GRHL3: variants seen among roughly 807,000 people sequenced by gnomAD.
The protein encoded by GRHL3 is grainyhead like transcription factor 3.
Under a neutral mutation model 70.3 loss-of-function variants are expected in GRHL3, and 20 were observed. The ratio of observed to expected loss-of-function variants is 0.28; its 90% confidence interval spans 0.20 to 0.41. GRHL3 has a LOEUF of 0.41. Among genes scored for constraint, GRHL3 ranks in the 10% least tolerant of loss-of-function variants. The pLI is 1.00. For synonymous variants in GRHL3, 299 were observed against 299.9 expected (o/e 1.00, Z 0.03); for missense variants, 637 against 762.3 (o/e 0.84, Z 1.94).
At chr1:24,357,511 G>A (rs149965849), downstream of GRHL3, 1,037 of 153,104 alleles carry the variant, frequency 6.8e-3, 7 homozygotes, top group Non-Finnish European at 0.011. Flanking sequence ...CCAGGCCTCA[G>A]TACTTTTTAA....
At position 24,335,014 on chromosome 1, in the gene GRHL3, AACACACACACAC is replaced by A. The variant is rs35646472; in HGVS notation, c.266+346_266+357del. On this transcript the variant is annotated intron_variant, in intron 3 of 15. Coordinates refer to ENST00000361548, the MANE Select transcript of GRHL3 (RefSeq NM_198173.3). ...AAGTCCTAATGAAACTCAGCTTGAA[AACACACACACAC>A]ACACACACACACACACACACACACA... 3.0e-3 allele frequency among the ~76,000 whole-genome samples: 411 copies of A among 137,034 alleles called. 3 individuals carry two copies. The highest frequency in any genetic ancestry group is 0.014 in the South Asian group (56 of 3,950). 89.9% of individuals were successfully genotyped at this position (137,034 alleles called of 152,430 possible). A position where few individuals can be genotyped will look rare whatever the true frequency, so the allele number is the denominator to read the frequency against.
chr1:24,337,457 C>G, intron 5 of GRHL3, 179 bp from the exon 6 acceptor site: 1 of 650,610 alleles, frequency 1.5e-6, no homozygotes, highest in Non-Finnish European at 2.6e-6. Context: ...GACTGTGGCT[C>G]AACAAAGCCA....
In GRHL3 at chr1:24,350,142, T is replaced by A; in HGVS notation, c.1694+20T>A. On this transcript the variant is annotated intron_variant, in intron 15 of 15. Transcript: ENST00000361548. The stretch of plus-strand genomic sequence containing the variant: ...GCGAGGGTGAGTGCCTAGTTCACCC[T>A]CCCCCAGCTGGTTGCTCAGTGCTGA... The A allele has an allele frequency of 1.2e-6, 2 of 1,605,498 alleles. No homozygotes were observed. The highest frequency in any genetic ancestry group is 1.1e-5 in the South Asian group (1 of 90,356).
chr1:24,358,375 CA>C, downstream of GRHL3: 1 of 718,926 alleles, frequency 1.4e-6, no homozygotes, highest in Non-Finnish European at 2.6e-6. Flanking sequence ...CAGCTCAAGA[CA>C]AAGGCAATGG....
At chr1:24,323,261 T>G in intron 1 of GRHL3, 1 of 647,694 alleles carries the variant, frequency 1.5e-6, no homozygotes, top group East Asian at 2.7e-5. Context: ...ACCATCATCA[T>G]CATCATCATC....
rs964729493 is a variant in GRHL3, at chr1:24,342,892, G to C, written c.1286G>C (p.Gly429Ala). Reference protein sequence around the residue: ...KVKCPDSSNSGVKGCLLSGFR... With the variant: ...KVKCPDSSNSAVKGCLLSGFR... ...CACATTGGCTTCCTTCTCCCATCAG[G>C]CGTCAAGGGCTGCCTGCTGTCGGGC... Residue 429 changes from glycine to alanine, a missense_variant and splice_region_variant, in exon 11 of 16, where the codon GGC (glycine) becomes GCC (alanine). Transcript: ENST00000361548. The surrounding 1 kb of genome is among the most constrained non-coding windows in gnomAD (Gnocchi z 4.8). The C allele has an allele frequency of 1.9e-6, 3 of 1,614,098 alleles. No homozygotes were observed. Among genetic ancestry groups the C allele is most frequent in the Non-Finnish European group, 2.5e-6 (3 of 1,180,054 alleles).
Position 24,322,961 on chromosome 1 carries a change from T to C in GRHL3, c.17+3393T>C. 1.2e-5 allele frequency: 10 copies of C among 826,480 alleles called. No homozygotes were observed. The South Asian group carries it at 1.6e-4, about 13-fold the overall frequency. The allele number at this position is 826,480 out of a possible 1,614,324, so 51.2% of individuals were successfully genotyped here. A position where few individuals can be genotyped will look rare whatever the true frequency, so the allele number is the denominator to read the frequency against. ...CTTGCCCAAGGTCTCACGGAAGCACTGGGATCTTAACCGGGTCTTAGCCGA... is the reference window on the plus strand; with the variant it reads ...CTTGCCCAAGGTCTCACGGAAGCACCGGGATCTTAACCGGGTCTTAGCCGA... On this transcript the variant is annotated intron_variant, in intron 1 of 15. Coordinates refer to ENST00000361548, the MANE Select transcript of GRHL3 (RefSeq NM_198173.3). This position sits in a 1 kb window ranked among gnomAD's most constrained non-coding sequence, Gnocchi z 4.4.
At chr1:24,332,173 G>C (rs1639638760) in intron 2 of GRHL3, among the ~76,000 whole-genome samples, 1 of 152,114 alleles carries the variant, frequency 6.6e-6, no homozygotes, top group South Asian at 2.1e-4. Context: ...CCACCACCTG[G>C]AGTATACCTC....
chr1:24,363,583 A>G (rs755219144), intron 15 of GRHL3, among the ~76,000 whole-genome samples: 1 of 152,244 alleles, frequency 6.6e-6, no homozygotes, highest in Non-Finnish European at 1.5e-5. Flanking sequence ...TCTGTAAAAC[A>G]GTGGAAATAA....
chr1:24,348,743 ATCT>A (rs1322228314), intron 14 of GRHL3, among the ~76,000 whole-genome samples: 11 of 152,170 alleles, frequency 7.2e-5, no homozygotes, highest in Admixed American at 5.9e-4. Context: ...TTGACTTGAG[ATCT>A]TCTTCCTGGT....
At chr1:24,345,963 C>T (rs551293350) in intron 12 of GRHL3, among the ~76,000 whole-genome samples, 77 of 152,278 alleles carry the variant, frequency 5.1e-4, no homozygotes, top group Non-Finnish European at 1.1e-3. Flanking sequence ...CACTTGTCAC[C>T]TCACAACAGC....
Position 24,336,649 on chromosome 1 carries a change from C to G in GRHL3, c.434C>G (p.Ala145Gly). 1 of 1,614,150 alleles carries G rather than the reference C, an allele frequency of 6.2e-7. No individual in the cohort carries two copies. Among genetic ancestry groups the G allele is most frequent in the Non-Finnish European group, 8.5e-7 (1 of 1,180,010 alleles). The change falls in exon 4 of 16, where the codon GCA becomes GGA. Residue 145 changes from alanine (A) to glycine (G), a missense_variant. Physicochemically the swap from Ala to Gly is moderately conservative, Grantham distance 60. Around this residue, in one of 2 missense-constraint regions of GRHL3, gnomAD observed 250 missense variants for 248.6 expected, o/e 1.01. Transcript: ENST00000361548. Reference protein sequence around the residue: ...LEGALPTPGKAAPLPAGPSKL... With the variant: ...LEGALPTPGKGAPLPAGPSKL... ...GGGGCCTTGCCCACCCCTGGCAAGG[C>G]AGCTCCCCTCCCTGCAGGCCCCAGC... is the stretch of plus-strand genomic sequence containing the variant.
At chr1:24,325,657 G>A (rs1286761976) in intron 1 of GRHL3, among the ~76,000 whole-genome samples, 5 of 152,226 alleles carry the variant, frequency 3.3e-5, no homozygotes. Context: ...CATGAAGGCT[G>A]AGGCTGACTG....
chr1:24,343,907 G>C (rs1640144740), intron 11 of GRHL3, among the ~76,000 whole-genome samples: 1 of 152,242 alleles, frequency 6.6e-6, no homozygotes, highest in Non-Finnish European at 1.5e-5. Context: ...AGTGCTGACA[G>C]AGCTTGGCAC....
rs1376538501 is a variant in GRHL3, at chr1:24,352,204, C to T, written c.1694+2082C>T. 3.3e-5 allele frequency among the ~76,000 whole-genome samples: 5 copies of T among 152,192 alleles called. No individual in the cohort carries two copies. In the East Asian group the frequency reaches 7.7e-4, roughly 23 times the overall value. On this transcript the variant is annotated intron_variant, in intron 15 of 15. Coordinates refer to ENST00000361548, the MANE Select transcript of GRHL3 (RefSeq NM_198173.3). ...AAAATAGATCTTAGGAGAGGAGAGGCCAGGCTCATCTTCTGCCTCCCTCTG... is the reference window on the plus strand; with the variant it reads ...AAAATAGATCTTAGGAGAGGAGAGGTCAGGCTCATCTTCTGCCTCCCTCTG...
chr1:24,354,504 C>T lies in GRHL3; in HGVS notation c.*16C>T, dbSNP rs1640640314. 2.0e-6 allele frequency: 3 copies of T among 1,526,260 alleles called. No homozygotes were observed. In the South Asian group the frequency reaches 3.4e-5, roughly 17 times the overall value. 94.5% of individuals were successfully genotyped at this position (1,526,260 alleles called of 1,614,324 possible). On this transcript the variant is annotated 3_prime_UTR_variant, in exon 16 of 16. Coordinates refer to ENST00000361548, the MANE Select transcript of GRHL3 (RefSeq NM_198173.3). ...GGAGCTGTAAGGCCTCTCGAGCATCCAAACCCTCACGACCTGCAAGGGGCC... is the reference window on the plus strand; with the variant it reads ...GGAGCTGTAAGGCCTCTCGAGCATCTAAACCCTCACGACCTGCAAGGGGCC...
In GRHL3 at chr1:24,319,701, C is replaced by G. The variant is rs183543687; in HGVS notation, c.17+133C>G. On this transcript the variant is annotated intron_variant, in intron 1 of 15. Transcript: ENST00000361548. The stretch of plus-strand genomic sequence containing the variant: ...TTGTAAGGGTAAATGAATGGGCTGA[C>G]GATCTTACTTTGGCGTGTCAAGGCA... 17 of 1,592,206 alleles carry G rather than the reference C, an allele frequency of 1.1e-5. No individual in the cohort carries two copies. In the African/African-American group the frequency reaches 2.1e-4, roughly 20 times the overall value.
intron 15 of GRHL3, among the ~76,000 whole-genome samples, chr1:24,361,357 G>A (rs1010069344): frequency 6.6e-6 from 1 of 152,160 alleles, no homozygotes; most frequent in Non-Finnish European, 1.5e-5. Context: ...CTGGAGATGT[G>A]GAGCTAACCA....
chr1:24,337,156 C>G lies in GRHL3; in HGVS notation c.686+5C>G. On this transcript the variant is annotated splice_donor_5th_base_variant and intron_variant, in intron 5 of 15. Coordinates refer to ENST00000361548, the MANE Select transcript of GRHL3 (RefSeq NM_198173.3). ...GGACTACCCCAGCCTCAAAAGGTAACTTGGTCTCCCTGGACCCTCAGACAC... is the reference window on the plus strand; with the variant it reads ...GGACTACCCCAGCCTCAAAAGGTAAGTTGGTCTCCCTGGACCCTCAGACAC... 6.2e-7 allele frequency: 1 copy of G among 1,611,408 alleles called. No homozygotes were observed. Among genetic ancestry groups the G allele is most frequent in the East Asian group, 2.2e-5 (1 of 44,872 alleles).
Sources: allele counts gnomAD v4.1 joint callset (sites outside exome capture counted in the v4.1 genomes callset), GRCh38; gene constraint gnomAD v4.1.1; regional missense constraint gnomAD v4.1.1; non-coding constraint Gnocchi (gnomAD v3.1); transcripts MANE v1.5; gene names NCBI Gene and HGNC (gene_info 2026-07-23, HGNC 2026-07-21).